The following ZNF521 variants were observed in gnomAD, a reference collection of about 807,000 sequenced individuals.
The protein encoded by ZNF521 is zinc finger protein 521.
ZNF521 carries 14 observed loss-of-function variants against 105.5 expected under a neutral mutation model. That is an observed-to-expected ratio of 0.13 (90% CI 0.09 to 0.21). ZNF521 has a LOEUF of 0.21. Among genes scored for constraint, ZNF521 ranks in the 10% least tolerant of loss-of-function variants. The pLI, the probability that ZNF521 is intolerant of heterozygous loss-of-function variation, is 1.00. For synonymous variants in ZNF521, 635 were observed against 606.0 expected, an observed-to-expected ratio of 1.05 and a Z score of -0.70; for missense variants, 1,233 against 1,629.7, an observed-to-expected ratio of 0.76 and a Z score of 4.19.
intron 3 of ZNF521, among the ~76,000 whole-genome samples, chr18:25,319,353 G>A (rs113888790): frequency 5.9e-5 from 9 of 152,188 alleles, no homozygotes; most frequent in Non-Finnish European, 4.4e-5. Flanking sequence ...CAACACTTTG[G>A]GAGGCCGAGG....
intron 7 of ZNF521, among the ~76,000 whole-genome samples, chr18:25,087,116 C>T (rs1331971094): frequency 6.6e-6 from 1 of 152,122 alleles, no homozygotes; most frequent in East Asian, 1.9e-4. Context: ...ATAGATTTCT[C>T]AGTTTTGATT....
chr18:25,257,944 T>C lies in ZNF521; in HGVS notation c.221-30247A>G, dbSNP rs78926440. 6.1e-3 allele frequency among the ~76,000 whole-genome samples: 925 copies of C among 152,256 alleles called. 9 individuals are homozygous for C. Among genetic ancestry groups the C allele is most frequent in the African/African-American group, 0.022 (894 of 41,554 alleles). The stretch of plus-strand genomic sequence containing the variant: ...AGAAGAACACATTCACAGACACACA[T>C]GCACATGTGTGCACAAATACACATA... On this transcript the variant is annotated intron_variant, in intron 3 of 7. Coordinates refer to ENST00000361524, the MANE Select transcript of ZNF521 (RefSeq NM_015461.3).
intron 5 of ZNF521, among the ~76,000 whole-genome samples, chr18:25,109,378 C>A (rs1567965082): frequency 6.6e-6 from 1 of 152,190 alleles, no homozygotes; most frequent in African/African-American, 2.4e-5. Flanking sequence ...TAGGTTGATT[C>A]CATTGCTTTG....
At chr18:25,280,915 G>C (rs145376809) in intron 3 of ZNF521, among the ~76,000 whole-genome samples, 63 of 152,064 alleles carry the variant, frequency 4.1e-4, no homozygotes, top group African/African-American at 1.4e-3. Context: ...CATGACAAAG[G>C]CTTCTAAATA....
chr18:25,274,660 A>C (rs1383210847), intron 3 of ZNF521, among the ~76,000 whole-genome samples: 2 of 152,228 alleles, frequency 1.3e-5, no homozygotes, highest in Admixed American at 6.5e-5. Context: ...TATTTATGAT[A>C]CTGTTGTGGG....
In ZNF521 at chr18:25,347,441, T is replaced by C. The variant is rs535202457; in HGVS notation, c.40+3466A>G. ...AGGCAGGAGGGGTAAAGGAGTTCCA[T>C]GTTTCAAAATATATTTCCAGCTTTT... On this transcript the variant is annotated intron_variant, in intron 2 of 7. Transcript: ENST00000361524. 5.4e-4 allele frequency among the ~76,000 whole-genome samples: 83 copies of C among 152,322 alleles called. 1 individual carries two copies. Among genetic ancestry groups the C allele is most frequent in the Middle Eastern group, 3.4e-3 (1 of 294 alleles).
chr18:25,125,636 T>C (rs1397626969), intron 5 of ZNF521, among the ~76,000 whole-genome samples: 1 of 152,012 alleles, frequency 6.6e-6, no homozygotes, highest in African/African-American at 2.4e-5. Context: ...TAATGGTGTG[T>C]GTGTGTGCGT....
At position 25,225,692 on chromosome 18, in the gene ZNF521, A is replaced by G; in HGVS notation, c.2226T>C (p.Ala742=). ...CTTTCTTTTCGTTACTGTGCTTCAC[A>G]GCCAAGTGGAGCTGAATGGAGACTT... ...DSKVSIQLHL[A]VKHSNEKKVY... The change falls in exon 4 of 8, where the codon GCT becomes GCC. Residue 742 remains alanine (A), a synonymous_variant. Coordinates refer to ENST00000361524, the MANE Select transcript of ZNF521 (RefSeq NM_015461.3). The surrounding 1 kb of genome is among the most constrained non-coding windows in gnomAD (Gnocchi z 5.6). The G allele has an allele frequency of 6.2e-7, 1 of 1,614,232 alleles. No individual in the cohort carries two copies. The highest frequency in any genetic ancestry group is 8.5e-7 in the Non-Finnish European group (1 of 1,180,034).
At chr18:25,330,670 A>G (rs1255170066) in intron 2 of ZNF521, among the ~76,000 whole-genome samples, 2 of 152,236 alleles carry the variant, frequency 1.3e-5, no homozygotes, top group African/African-American at 4.8e-5. Flanking sequence ...CTTTAAATAT[A>G]TCATTAACCA....
intron 3 of ZNF521, among the ~76,000 whole-genome samples, chr18:25,285,958 C>T (rs1164667142): frequency 2.6e-5 from 4 of 152,240 alleles, no homozygotes; most frequent in South Asian, 2.1e-4. Context: ...GATCAAAGGC[C>T]GATATTAAAT....
chr18:25,255,087 A>G (rs1358566437), intron 3 of ZNF521, among the ~76,000 whole-genome samples: 2 of 152,142 alleles, frequency 1.3e-5, no homozygotes, highest in African/African-American at 4.8e-5. Context: ...TTTTAAGTGC[A>G]AAGTAAATAT....
intron 5 of ZNF521, among the ~76,000 whole-genome samples, chr18:25,191,047 C>T (rs560407987): frequency 6.6e-6 from 1 of 152,220 alleles, no homozygotes; most frequent in South Asian, 2.1e-4. Context: ...CTTCAAAATG[C>T]TTTAACATTA....
At chr18:25,063,886 C>T (rs965522983) in intron 7 of ZNF521, among the ~76,000 whole-genome samples, 51 of 152,188 alleles carry the variant, frequency 3.4e-4, no homozygotes, top group African/African-American at 9.9e-4. Context: ...TCCATCCTCA[C>T]CCCATCTAAC....
intron 3 of ZNF521, among the ~76,000 whole-genome samples, chr18:25,286,767 G>A (rs1321599584): frequency 1.1e-4 from 17 of 152,106 alleles, no homozygotes; most frequent in Non-Finnish European, 1.3e-4. Flanking sequence ...TTAATTAAAC[G>A]AAAAGGGGAG....
In ZNF521 at chr18:25,306,701, T is replaced by A. The variant is rs187487542; in HGVS notation, c.220+15307A>T. ...ACAATCCCAGCTACAAGAGGCCTTA[T>A]AAGTAGTAATCAATCTGAGAAGAAG... On this transcript the variant is annotated intron_variant, in intron 3 of 7. Transcript: ENST00000361524. 2.0e-5 allele frequency among the ~76,000 whole-genome samples: 3 copies of A among 152,014 alleles called. No individual in the cohort carries two copies. In the South Asian group the frequency reaches 6.2e-4, roughly 32 times the overall value.
intron 3 of ZNF521, chr18:25,315,528 G>T (rs1420979455): frequency 1.3e-5 from 2 of 152,222 alleles, no homozygotes; most frequent in Non-Finnish European, 2.9e-5. Flanking sequence ...TCCATGAGGT[G>T]TGTGTGAGCT....
chr18:25,258,455 T>C (rs985871470), intron 3 of ZNF521, among the ~76,000 whole-genome samples: 2 of 152,050 alleles, frequency 1.3e-5, no homozygotes, highest in African/African-American at 4.8e-5. Flanking sequence ...GTCCGAGGTG[T>C]ATGTGAAGAG....
intron 3 of ZNF521, among the ~76,000 whole-genome samples, chr18:25,309,632 A>C (rs866829345): frequency 6.6e-6 from 1 of 152,214 alleles, no homozygotes; most frequent in Non-Finnish European, 1.5e-5. Flanking sequence ...ACACTGGTGA[A>C]AAGCAAATAT....
At chr18:25,205,993 TTTTAA>T (rs1263882474) in intron 4 of ZNF521, among the ~76,000 whole-genome samples, 2 of 152,048 alleles carry the variant, frequency 1.3e-5, no homozygotes, top group Admixed American at 6.6e-5. Context: ...ATTCATTTTT[TTTTAA>T]TTTGTTTGTT....
Sources: allele counts gnomAD v4.1 joint callset (sites outside exome capture counted in the v4.1 genomes callset), GRCh38; gene constraint gnomAD v4.1.1; non-coding constraint Gnocchi (gnomAD v3.1); transcripts MANE v1.5; gene names NCBI Gene and HGNC (gene_info 2026-07-23, HGNC 2026-07-21).